The following EPN3 variants were observed in gnomAD, a reference collection of about 807,000 sequenced individuals.
EPN3 encodes the protein epsin-3.
EPN3 carries 56 observed loss-of-function variants against 55.5 expected under a neutral mutation model. That is an observed-to-expected ratio of 1.01 (90% confidence interval 0.81 to 1.26). The LOEUF (loss-of-function observed/expected upper bound fraction) is 1.26, where lower values mean the gene tolerates loss of function less well. EPN3 is among the 50% of genes most tolerant of loss of function. The pLI, the probability that EPN3 is intolerant of heterozygous loss-of-function variation, is 0.00. For missense variants in EPN3, 927 were observed against 853.4 expected (o/e 1.09, Z -1.07); for synonymous variants, 449 against 375.2 (o/e 1.20, Z -2.27).
intron 1 of EPN3, among the ~76,000 whole-genome samples, chr17:50,533,582 C>T (rs2034711083): frequency 6.6e-6 from 1 of 152,178 alleles, no homozygotes; most frequent in South Asian, 2.1e-4. Flanking sequence ...CTCCATCTCT[C>T]CGAAACCCTT....
At chr17:50,539,365 CTGAG>C (rs1359869415) in intron 5 of EPN3, 50 bp downstream of exon 5, 62 of 1,610,302 alleles carry the variant, frequency 3.9e-5, no homozygotes, top group Non-Finnish European at 5.1e-5. Context: ...AAGAGATGGA[CTGAG>C]TATTTGTAAA....
At position 50,534,541 on chromosome 17, in the gene EPN3, G is replaced by A. The variant is rs1032133441; in HGVS notation, c.-137+1556G>A. The A allele has an allele frequency of 7.1e-6, 7 of 985,402 alleles. No homozygotes were observed. In the African/African-American group the frequency reaches 1.2e-4, roughly 17 times the overall value. 61.0% of individuals were successfully genotyped at this position (985,402 alleles called of 1,614,324 possible). ...CCCAGCCACGGGTTGGGGAGGTGAA[G>A]GCAGGTCTGAGTCACTAGCAAGGGG... On this transcript the variant is annotated intron_variant, in intron 1 of 9. Coordinates refer to ENST00000268933, the MANE Select transcript of EPN3 (RefSeq NM_017957.3).
chr17:50,541,810 C>T (rs1299252712), intron 9 of EPN3, 34 bp from the exon 10 acceptor site: 1 of 1,610,362 alleles, frequency 6.2e-7, no homozygotes, highest in Non-Finnish European at 8.5e-7. Flanking sequence ...GGGCTCTGAA[C>T]CCCGGGTCAC....
chr17:50,537,405 C>A, intron 2 of EPN3: 1 of 471,492 alleles, frequency 2.1e-6, no homozygotes, highest in South Asian at 2.5e-5. Flanking sequence ...CTATATTCTG[C>A]TTCCTCCAAG....
Position 50,537,153 on chromosome 17 carries a change from G to A in EPN3, c.562+35G>A, listed in dbSNP as rs938607463. The A allele has an allele frequency of 3.3e-6, 5 of 1,524,846 alleles. No homozygotes were observed. The African/African-American group carries it at 6.8e-5, about 21-fold the overall frequency. The allele number at this position is 1,524,846 out of a possible 1,614,324, so 94.5% of individuals were successfully genotyped here. On this transcript the variant is annotated intron_variant, in intron 2 of 9. Coordinates refer to ENST00000268933, the MANE Select transcript of EPN3 (RefSeq NM_017957.3). ...CCCCGGTGTGTGGCTGGGATGGGGAGGTGGCCCGACTTCCATTCCTGGCTC... is the reference window on the plus strand; with the variant it reads ...CCCCGGTGTGTGGCTGGGATGGGGAAGTGGCCCGACTTCCATTCCTGGCTC...
chr17:50,537,200 T>C, intron 2 of EPN3, 82 bp downstream of exon 2: 3 of 1,348,448 alleles, frequency 2.2e-6, no homozygotes, highest in East Asian at 2.5e-5. Context: ...CCATGGTTCA[T>C]AATACCTACC....
intron 2 of EPN3, among the ~76,000 whole-genome samples, chr17:50,537,713 G>A (rs942551423): frequency 6.6e-6 from 1 of 152,206 alleles, no homozygotes; most frequent in Non-Finnish European, 1.5e-5. Context: ...TTGAGGTTGT[G>A]ACCTCGTTGG....
rs530620460 is a variant in EPN3, at chr17:50,536,405, G to A, written c.-136-16G>A. ...GTAGGCCTCTGCCCCTGAGTTCCTG[G>A]CCCTCTCTTCCTCAGCCCCATGTGG... On this transcript the variant is annotated splice_polypyrimidine_tract_variant and intron_variant, in intron 1 of 9. Transcript: ENST00000268933. 2.0e-6 allele frequency: 3 copies of A among 1,471,534 alleles called. No individual in the cohort carries two copies. The South Asian group carries it at 4.2e-5, about 21-fold the overall frequency. 91.2% of individuals were successfully genotyped at this position (1,471,534 alleles called of 1,614,324 possible).
intron 1 of EPN3, chr17:50,534,403 C>G: frequency 1.0e-6 from 1 of 985,068 alleles, no homozygotes; most frequent in Non-Finnish European, 1.2e-6. Context: ...CCAGGTAGGG[C>G]TCTGGTGCAG....
At position 50,542,457 on chromosome 17, in the gene EPN3, A is replaced by C; in HGVS notation, c.*300A>C. 2.8e-6 allele frequency: 1 copy of C among 359,138 alleles called. No individual in the cohort carries two copies. The highest frequency in any genetic ancestry group is 5.0e-6 in the Non-Finnish European group (1 of 200,096). The allele number at this position is 359,138 out of a possible 1,614,324, so 22.2% of individuals were successfully genotyped here. ...CGGCTGTTTAGGAAACTGCAGCTGC[A>C]CAACGTGGGGTGCAAAACTGCCCCG... On this transcript the variant is annotated 3_prime_UTR_variant, in exon 10 of 10. Coordinates refer to ENST00000268933, the MANE Select transcript of EPN3 (RefSeq NM_017957.3).
At chr17:50,535,168 G>A (rs1486950960) in intron 1 of EPN3, among the ~76,000 whole-genome samples, 2 of 152,238 alleles carry the variant, frequency 1.3e-5, no homozygotes, top group Non-Finnish European at 2.9e-5. Context: ...TCCACTATGT[G>A]TCCAGCGTTT....
chr17:50,540,288 G>C lies in EPN3; in HGVS notation c.933G>C (p.Leu311=). Residue 311 remains leucine, a synonymous_variant, in exon 6 of 10, where the codon CTG becomes CTC. Transcript: ENST00000268933. ...TGGCTGACATCTTCGTACCTGCCCT[G>C]GCCCCGCCCTCCACACACTGCTCTG... ...LDLADIFVPA[L]APPSTHCSAD... is the part of the protein sequence containing the mutation. 1.2e-6 allele frequency: 2 copies of C among 1,612,632 alleles called. No homozygotes were observed. The highest frequency in any genetic ancestry group is 2.7e-5 in the African/African-American group (2 of 75,012).
rs377584235 is a variant in EPN3 at position 50,540,741 on chromosome 17, G to A, written c.980-52G>A. 5.2e-5 allele frequency: 79 copies of A among 1,532,068 alleles called. No individual in the cohort carries two copies. The East Asian group carries it at 1.1e-3, about 21-fold the overall frequency. The allele number at this position is 1,532,068 out of a possible 1,614,324, so 94.9% of individuals were successfully genotyped here. A position where few individuals can be genotyped will look rare whatever the true frequency, so the allele number is the denominator to read the frequency against. ...GGCTGGGTAACTGGGAAGGGCCCTGGGCGAGGGATAAGGGTGGGCCTGGGA... is the reference window on the plus strand; with the variant it reads ...GGCTGGGTAACTGGGAAGGGCCCTGAGCGAGGGATAAGGGTGGGCCTGGGA... On this transcript the variant is annotated intron_variant, in intron 6 of 9. Transcript: ENST00000268933.
In EPN3 at chr17:50,540,879, T is replaced by C. The variant is rs139534228; in HGVS notation, c.1066T>C (p.Ser356Pro). ...TCCGATCCCCTCAGGAACCGTCCTG[T>C]CCCGAAGCCAGCCCTGGGATCTGAC... ...WSPIPSGTVL[S>P]RSQPWDLTPM... is the part of the protein sequence containing the mutation. Residue 356 changes from serine to proline, a missense_variant, in exon 7 of 10, where the codon TCC (serine) becomes CCC (proline). Physicochemically the swap from Ser to Pro is moderately conservative, Grantham distance 74. Transcript: ENST00000268933. 35 of 1,614,172 alleles carry C rather than the reference T, an allele frequency of 2.2e-5. No homozygotes were observed. In the African/African-American group the frequency reaches 4.0e-4, roughly 18 times the overall value.
In EPN3 at chr17:50,540,841, C is replaced by G; in HGVS notation, c.1028C>G (p.Ala343Gly). Residue 343 changes from alanine (A) to glycine (G), a missense_variant, in exon 7 of 10, where the codon GCA becomes GGA. Transcript: ENST00000268933. ...AGTGGATCCTCCTGGGGGCCTTCTGCAGACCCCTGGTCTCCGATCCCCTCA... is the reference window on the plus strand; with the variant it reads ...AGTGGATCCTCCTGGGGGCCTTCTGGAGACCCCTGGTCTCCGATCCCCTCA... ...EASGSSWGPS[A>G]DPWSPIPSGT... 1.2e-6 allele frequency: 2 copies of G among 1,613,936 alleles called. No homozygotes were observed. Among genetic ancestry groups the G allele is most frequent in the Non-Finnish European group, 1.7e-6 (2 of 1,179,890 alleles).
In EPN3 at chr17:50,537,041, G is replaced by A; in HGVS notation, c.485G>A (p.Gly162Asp). The A allele has an allele frequency of 6.2e-7, 1 of 1,612,558 alleles. No homozygotes were observed. Among genetic ancestry groups the A allele is most frequent in the South Asian group, 1.1e-5 (1 of 91,052 alleles). The change falls in exon 2 of 10, where the codon GGC (glycine) becomes GAC (aspartate). Residue 162 changes from glycine (G) to aspartate (D), a missense_variant. Physicochemically the swap from Gly to Asp is moderately conservative, Grantham distance 94 (BLOSUM62 -1). Coordinates refer to ENST00000268933, the MANE Select transcript of EPN3 (RefSeq NM_017957.3). ...ATGGCACTGGAGGGCATCGGCATTG[G>A]CAGTGGGCAGCTGGGCTTCAGCCGC... ...ERMALEGIGI[G>D]SGQLGFSRRY...
In EPN3 at chr17:50,539,053, C is replaced by G; in HGVS notation, c.762+89C>G. The G allele has an allele frequency of 5.2e-6, 8 of 1,535,434 alleles. No individual in the cohort carries two copies. The South Asian group carries it at 9.9e-5, about 19-fold the overall frequency. The stretch of plus-strand genomic sequence containing the variant: ...CACTAACAGCCTCCTCCCGCTGTAC[C>G]CGGTGGCCCTGCTGCTCCTAACCTC... On this transcript the variant is annotated intron_variant, in intron 4 of 9. Transcript: ENST00000268933.
intron 1 of EPN3, among the ~76,000 whole-genome samples, chr17:50,533,396 T>C (rs1277301381): frequency 6.6e-6 from 1 of 152,068 alleles, no homozygotes; most frequent in Non-Finnish European, 1.5e-5. Flanking sequence ...TCACCCCCTG[T>C]CCCTTACAGC....
chr17:50,540,964 C>G lies in EPN3; in HGVS notation c.1151C>G (p.Pro384Arg). ...ACCCCAGTGCTGCCTGCTGGGCCCC[C>G]CACCACAGACCCCTGGGCCCTGAAC... The part of the protein sequence containing the change: ...GRTPVLPAGP[P>R]TTDPWALNSP... The change falls in exon 7 of 10, where the codon CCC becomes CGC. Residue 384 changes from proline (P) to arginine (R), a missense_variant. By Grantham distance (103) the Pro-to-Arg change is moderately radical. Transcript: ENST00000268933. The G allele has an allele frequency of 6.2e-7, 1 of 1,613,072 alleles. No homozygotes were observed. Among genetic ancestry groups the G allele is most frequent in the Non-Finnish European group, 8.5e-7 (1 of 1,179,838 alleles).
Sources: allele counts gnomAD v4.1 joint callset (sites outside exome capture counted in the v4.1 genomes callset), GRCh38; gene constraint gnomAD v4.1.1; transcripts MANE v1.5; gene names NCBI Gene and HGNC (gene_info 2026-07-23, HGNC 2026-07-21).